The following RETREG1 variants were observed in gnomAD, a reference collection of about 807,000 sequenced individuals.
RETREG1 encodes the protein family with sequence similarity 134 member B.
RETREG1 carries 44 observed loss-of-function variants against 54.8 expected under a neutral mutation model. That is an observed-to-expected ratio of 0.80 (90% CI 0.63 to 1.03). The LOEUF (loss-of-function observed/expected upper bound fraction) is 1.03. RETREG1 is among the 50% of genes least tolerant of loss of function. The pLI, the probability that RETREG1 is intolerant of heterozygous loss-of-function variation, is 0.00. For missense variants in RETREG1, 554 were observed against 605.1 expected (o/e 0.92, Z 0.89); for synonymous variants, 217 against 238.5 (o/e 0.91, Z 0.83).
At chr5:16,513,058 T>C (rs1043400808) in intron 3 of RETREG1, among the ~76,000 whole-genome samples, 4 of 152,136 alleles carry the variant, frequency 2.6e-5, no homozygotes, top group African/African-American at 9.7e-5. Context: ...CTGAGTATAT[T>C]TGAGCACTTT....
intron 3 of RETREG1, among the ~76,000 whole-genome samples, chr5:16,513,955 T>C (rs1444496098): frequency 6.6e-6 from 1 of 152,234 alleles, no homozygotes; most frequent in Admixed American, 6.5e-5. Context: ...AAAATTCATA[T>C]TGTGTTTAAT....
chr5:16,509,263 A>G (rs1740092405), intron 3 of RETREG1: 1 of 153,764 alleles, frequency 6.5e-6, no homozygotes, highest in East Asian at 1.9e-4. Context: ...GTTTAAAACA[A>G]AAGCCATTAT....
At chr5:16,527,580 A>G (rs1740752282) in intron 3 of RETREG1, among the ~76,000 whole-genome samples, 1 of 152,162 alleles carries the variant, frequency 6.6e-6, no homozygotes, top group African/African-American at 2.4e-5. Context: ...AAAAATCATA[A>G]TAATAACAAG....
chr5:16,590,005 G>A (rs1462791476), intron 1 of RETREG1, among the ~76,000 whole-genome samples: 1 of 152,214 alleles, frequency 6.6e-6, no homozygotes, highest in Non-Finnish European at 1.5e-5. Context: ...GGATGTCCAT[G>A]CTCATGTCCA....
At chr5:16,598,529 C>T (rs1742964807) in intron 1 of RETREG1, among the ~76,000 whole-genome samples, 1 of 152,238 alleles carries the variant, frequency 6.6e-6, no homozygotes, top group South Asian at 2.1e-4. Flanking sequence ...CGTTGATTCA[C>T]CCAAACCACT....
chr5:16,529,286 C>A (rs1039195756), intron 3 of RETREG1, among the ~76,000 whole-genome samples: 21 of 152,162 alleles, frequency 1.4e-4, no homozygotes, highest in African/African-American at 5.1e-4. Flanking sequence ...ATCAGTAAAT[C>A]ATTTCTAAAT....
At chr5:16,606,103 C>T (rs923524257) in intron 1 of RETREG1, among the ~76,000 whole-genome samples, 2 of 152,092 alleles carry the variant, frequency 1.3e-5, no homozygotes, top group African/African-American at 2.4e-5. Flanking sequence ...AATACTGCAG[C>T]GAGGAGGTGG....
At chr5:16,610,261 A>G (rs940509942) in intron 1 of RETREG1, among the ~76,000 whole-genome samples, 1 of 152,174 alleles carries the variant, frequency 6.6e-6, no homozygotes, top group East Asian at 1.9e-4. Flanking sequence ...AGTCAGAGTG[A>G]CCCAGGTCTC....
At chr5:16,501,173 T>G (rs1441917540) in intron 3 of RETREG1, among the ~76,000 whole-genome samples, 1 of 152,228 alleles carries the variant, frequency 6.6e-6, no homozygotes, top group African/African-American at 2.4e-5. Flanking sequence ...ATATTTAACA[T>G]GGCTTACCAT....
intron 3 of RETREG1, among the ~76,000 whole-genome samples, chr5:16,488,292 G>A (rs1170201145): frequency 6.6e-6 from 1 of 152,206 alleles, no homozygotes; most frequent in African/African-American, 2.4e-5. Flanking sequence ...CATTAGGCAA[G>A]GAAGGACAGT....
intron 1 of RETREG1, among the ~76,000 whole-genome samples, chr5:16,576,858 C>G (rs530434057): frequency 6.6e-6 from 1 of 151,454 alleles, no homozygotes; most frequent in Non-Finnish European, 1.5e-5. Flanking sequence ...CTTGTGATCC[C>G]CCCGCCTCCA....
At chr5:16,610,960 T>C (rs1159808802) in intron 1 of RETREG1, among the ~76,000 whole-genome samples, 5 of 152,194 alleles carry the variant, frequency 3.3e-5, no homozygotes, top group Non-Finnish European at 5.9e-5. Context: ...TGCACACATA[T>C]GTTTATTGCG....
chr5:16,526,351 G>A (rs757822914), intron 3 of RETREG1, among the ~76,000 whole-genome samples: 4 of 152,200 alleles, frequency 2.6e-5, no homozygotes, highest in Non-Finnish European at 4.4e-5. Context: ...TAGCTAACAT[G>A]TAGCTAACAA....
chr5:16,498,685 C>A (rs1471519589), intron 3 of RETREG1, among the ~76,000 whole-genome samples: 1 of 152,180 alleles, frequency 6.6e-6, no homozygotes, highest in Non-Finnish European at 1.5e-5. Flanking sequence ...GCACTCCAGC[C>A]TGGGCAACAC....
chr5:16,591,976 C>G (rs1417517116), intron 1 of RETREG1, among the ~76,000 whole-genome samples: 1 of 152,238 alleles, frequency 6.6e-6, no homozygotes, highest in Non-Finnish European at 1.5e-5. Context: ...CTCACTTCAA[C>G]CACATGACAC....
chr5:16,583,675 G>A (rs1198013834), intron 1 of RETREG1, among the ~76,000 whole-genome samples: 5 of 152,088 alleles, frequency 3.3e-5, no homozygotes, highest in Non-Finnish European at 7.4e-5. Context: ...CGCAAATCTT[G>A]TTTGATAATG....
At chr5:16,519,787 G>A (rs1006786613) in intron 3 of RETREG1, among the ~76,000 whole-genome samples, 7 of 152,118 alleles carry the variant, frequency 4.6e-5, no homozygotes, top group African/African-American at 1.2e-4. Context: ...CCCCCTCTCC[G>A]TGCCTGGATA....
chr5:16,502,077 C>T (rs1739742076), intron 3 of RETREG1, among the ~76,000 whole-genome samples: 1 of 151,902 alleles, frequency 6.6e-6, no homozygotes, highest in African/African-American at 2.4e-5. Flanking sequence ...CTGCCTCAGC[C>T]TCCCAAGTAG....
At chr5:16,583,801 T>C (rs553552380) in intron 1 of RETREG1, among the ~76,000 whole-genome samples, 1 of 152,194 alleles carries the variant, frequency 6.6e-6, no homozygotes, top group South Asian at 2.1e-4. Context: ...TAAAACATAT[T>C]TTTTTTGTCT....
Sources: allele counts gnomAD v4.1 joint callset (sites outside exome capture counted in the v4.1 genomes callset), GRCh38; gene constraint gnomAD v4.1.1; transcripts MANE v1.5; gene names NCBI Gene and HGNC (gene_info 2026-07-23, HGNC 2026-07-21).